Variants in ERI1 observed in about 807,000 individuals in gnomAD.
ERI1 encodes the protein 3'-5' exoribonuclease 1.
Under a neutral mutation model 39.7 loss-of-function variants are expected in ERI1, and 39 were observed. The ratio of observed to expected loss-of-function variants is 0.98; its 90% CI spans 0.76 to 1.28. The LOEUF is 1.28. ERI1 is among the 50% of genes most tolerant of loss of function. The probability of loss-of-function intolerance (pLI) is 0.00; values close to 1 mark genes in which losing one functional copy is unlikely to be tolerated. For synonymous variants in ERI1, 204 were observed against 149.6 expected (o/e 1.36, Z -2.65); for missense variants, 581 against 416.9 (o/e 1.39, Z -3.43).
chr8:9,053,931 C>G (rs1030237587), intron 3 of ERI1, among the ~76,000 whole-genome samples: 1 of 152,190 alleles, frequency 6.6e-6, no homozygotes, highest in African/African-American at 2.4e-5. Context: ...TTCTTCCTCT[C>G]TTTGGTGGTT....
chr8:9,025,334 C>G (rs987203106), intron 6 of ERI1, among the ~76,000 whole-genome samples: 1 of 152,238 alleles, frequency 6.6e-6, no homozygotes, highest in Non-Finnish European at 1.5e-5. Context: ...CAAAGACATA[C>G]TCCGTTACCT....
rs756913083 is a variant in ERI1 at position 9,011,499 on chromosome 8, G to T, written c.288-43G>T. ...CAGGTGAGAGTTTTGATTCTTGACTGTAGAATTTACCTAAGTGTAACTAGT... is the reference window on the plus strand; with the variant it reads ...CAGGTGAGAGTTTTGATTCTTGACTTTAGAATTTACCTAAGTGTAACTAGT... On this transcript the variant is annotated intron_variant, in intron 2 of 6. Coordinates refer to ENST00000250263, the MANE Select transcript of ERI1 (RefSeq NM_153332.4). The T allele has an allele frequency of 3.6e-6, 5 of 1,390,956 alleles. No individual in the cohort carries two copies. The African/African-American group carries it at 7.2e-5, about 20-fold the overall frequency. 86.2% of individuals were successfully genotyped at this position (1,390,956 alleles called of 1,614,324 possible). A position where few individuals can be genotyped will look rare whatever the true frequency, so the allele number is the denominator to read the frequency against.
rs191475148 is a variant in ERI1, at chr8:9,092,025, C to T, written n.300-24323C>T. Among the ~76,000 whole-genome samples, 10 of 152,220 alleles carry T rather than the reference C, an allele frequency of 6.6e-5. No homozygotes were observed. The East Asian group carries it at 1.7e-3, about 26-fold the overall frequency. ...AGGCTGGAGTGCAGTGGTGCAATCT[C>T]GGCTCACTGCAACCTCCGCCTCCTG... On this transcript the variant is annotated intron_variant and non_coding_transcript_variant, in intron 3 of 3. Transcript: ENST00000518663.
chr8:9,048,146 C>T (rs1213887942), intron 3 of ERI1, among the ~76,000 whole-genome samples: 1 of 152,238 alleles, frequency 6.6e-6, no homozygotes, highest in African/African-American at 2.4e-5. Context: ...TTCTCTAAAG[C>T]AACTGTGCTC....
At chr8:9,081,175 C>G (rs1423291432) in intron 3 of ERI1, among the ~76,000 whole-genome samples, 2 of 152,196 alleles carry the variant, frequency 1.3e-5, no homozygotes, top group Admixed American at 1.3e-4. Context: ...TGAGAACAGC[C>G]TGAAGGAAAC....
chr8:9,022,935 G>A (rs557886738), intron 6 of ERI1, among the ~76,000 whole-genome samples: 3 of 152,226 alleles, frequency 2.0e-5, no homozygotes, highest in Non-Finnish European at 2.9e-5. Context: ...ATTTCATTAC[G>A]TAGCTCCAAA....
chr8:9,088,976 G>C (rs578170841), intron 3 of ERI1, among the ~76,000 whole-genome samples: 1 of 152,200 alleles, frequency 6.6e-6, no homozygotes, highest in African/African-American at 2.4e-5. Context: ...GGGTTAGCAC[G>C]TACAGTGTTA....
chr8:9,054,227 A>G (rs1176285886), intron 3 of ERI1, among the ~76,000 whole-genome samples: 3 of 152,240 alleles, frequency 2.0e-5, no homozygotes, highest in Non-Finnish European at 4.4e-5. Context: ...TTTTGGACTC[A>G]TGGCAGGCTC....
At chr8:9,085,498 G>A (rs953313189) in intron 3 of ERI1, among the ~76,000 whole-genome samples, 2 of 151,920 alleles carry the variant, frequency 1.3e-5, no homozygotes, top group Non-Finnish European at 2.9e-5. Flanking sequence ...CTGAGCCACC[G>A]CGCCCGGCCC....
At position 9,044,093 on chromosome 8, in the gene ERI1, T is replaced by C. The variant is rs141448376; in HGVS notation, n.299+23629T>C. Among the ~76,000 whole-genome samples, 522 of 152,308 alleles carry C rather than the reference T, an allele frequency of 3.4e-3. 1 individual carries two copies. Among genetic ancestry groups the C allele is most frequent in the Non-Finnish European group, 5.1e-3 (350 of 68,030 alleles). ...GCTCCCAATTTTCCTTACAAAACTCTTCATAGGGTTGTTGTCGGAGTTAAA... is the reference window on the plus strand; with the variant it reads ...GCTCCCAATTTTCCTTACAAAACTCCTCATAGGGTTGTTGTCGGAGTTAAA... On this transcript the variant is annotated intron_variant and non_coding_transcript_variant, in intron 3 of 3. Transcript: ENST00000518663.
rs1270302434 is a variant in ERI1 at position 9,008,009 on chromosome 8, G to C, written c.148G>C (p.Gly50Arg). The C allele has an allele frequency of 3.9e-6, 6 of 1,543,366 alleles. No homozygotes were observed. The highest frequency in any genetic ancestry group is 1.5e-5 in the African/African-American group (1 of 65,324). ...TAAATTTGATGGCCAGGAGACAAAA[G>C]GATCCAAGTTCATTACCTCCAGTGC... is the stretch of plus-strand genomic sequence containing the variant. ...QCKFDGQETK[G>R]SKFITSSASD... is the part of the protein sequence containing the mutation. Residue 50 changes from glycine to arginine, a missense_variant, in exon 2 of 7, where the codon GGA becomes CGA. Coordinates refer to ENST00000250263, the MANE Select transcript of ERI1 (RefSeq NM_153332.4).
At chr8:9,071,676 G>A (rs924281658) in intron 3 of ERI1, among the ~76,000 whole-genome samples, 5 of 152,176 alleles carry the variant, frequency 3.3e-5, no homozygotes, top group African/African-American at 9.7e-5. Flanking sequence ...CTATATGGCC[G>A]ATGCCTTCCT....
rs114606369 is a variant in ERI1, at chr8:9,044,165, G to A, written n.299+23701G>A. Among the ~76,000 whole-genome samples the A allele has an allele frequency of 7.6e-3, 1,154 of 152,272 alleles. 16 individuals carry two copies. The highest frequency in any genetic ancestry group is 0.027 in the African/African-American group (1,107 of 41,544). ...GGTAGTGAATTACAGCTGATTTAGC[G>A]AGGGTATCAGAGTAAGATAAAACAT... On this transcript the variant is annotated intron_variant and non_coding_transcript_variant, in intron 3 of 3. Coordinates refer to the ERI1 transcript ENST00000518663.
At chr8:9,022,731 C>G (rs1053380166) in intron 6 of ERI1, among the ~76,000 whole-genome samples, 1 of 152,004 alleles carries the variant, frequency 6.6e-6, no homozygotes, top group Admixed American at 6.6e-5. Flanking sequence ...TTTTTGAACT[C>G]ATTTTGTGAA....
intron 2 of ERI1, among the ~76,000 whole-genome samples, 190 bp from the exon 3 acceptor site, chr8:9,011,352 A>G (rs1816647706): frequency 1.3e-5 from 2 of 152,196 alleles, no homozygotes; most frequent in African/African-American, 4.8e-5. Flanking sequence ...TAATGTTGTA[A>G]TAAACATATT....
At chr8:9,073,083 AT>A (rs1799105452) in intron 3 of ERI1, among the ~76,000 whole-genome samples, 1 of 152,220 alleles carries the variant, frequency 6.6e-6, no homozygotes, top group South Asian at 2.1e-4. Context: ...CAGGGAACAA[AT>A]GCATAATCCT....
chr8:9,024,760 C>T (rs529364809), intron 6 of ERI1, among the ~76,000 whole-genome samples: 10 of 152,194 alleles, frequency 6.6e-5, no homozygotes, highest in African/African-American at 2.4e-4. Flanking sequence ...ATATGCATTA[C>T]AATGCTGTTG....
intron 1 of ERI1, chr8:9,003,985 G>C (rs114726187): frequency 5.1e-5 from 44 of 856,764 alleles, no homozygotes; most frequent in Non-Finnish European, 7.4e-5. Flanking sequence ...TTCCCCTCCT[G>C]AGTCACTTCC....
chr8:9,018,736 C>G (rs766382335), intron 5 of ERI1, among the ~76,000 whole-genome samples: 3 of 152,198 alleles, frequency 2.0e-5, no homozygotes, highest in African/African-American at 4.8e-5. Flanking sequence ...TCTCATCCCA[C>G]GCTACCTGTT....
Sources: gnomAD v4.1 joint callset for allele counts (sites outside exome capture counted in the v4.1 genomes callset) on GRCh38, gnomAD v4.1.1 for gene constraint, MANE v1.5 for transcripts, NCBI Gene and HGNC (gene_info 2026-07-23, HGNC 2026-07-21) for gene names.